DLG2: variants seen among roughly 807,000 people sequenced by gnomAD.
DLG2 encodes the protein discs large MAGUK scaffold protein 2.
A neutral mutation model predicts 132.5 loss-of-function variants in DLG2; 45 were observed. That is an observed-to-expected ratio of 0.34 (90% CI 0.27 to 0.44). DLG2 has a LOEUF of 0.44. Ranked by LOEUF, DLG2 falls within the 20% of genes least tolerant of loss-of-function variation. The probability of loss-of-function intolerance (pLI) is 1.00; values close to 1 mark genes in which losing one functional copy is unlikely to be tolerated. For missense variants in DLG2, 1,045 were observed against 1,196.9 expected (o/e 0.87, Z 1.87); for synonymous variants, 424 against 419.6 (o/e 1.01, Z -0.13).
chr11:85,265,154 A>G (rs1050068122), intron 4 of DLG2, among the ~76,000 whole-genome samples: 2 of 152,150 alleles, frequency 1.3e-5, no homozygotes, highest in African/African-American at 4.8e-5. Flanking sequence ...TTTCTTTCCT[A>G]TCATATGGAC....
At chr11:84,551,403 G>T (rs2099401586) in intron 6 of DLG2, among the ~76,000 whole-genome samples, 1 of 152,122 alleles carries the variant, frequency 6.6e-6, no homozygotes, top group African/African-American at 2.4e-5. Context: ...CCCAAATCAA[G>T]AAAACCCAGA....
At chr11:85,559,592 CAGA>C (rs1441868162) in intron 3 of DLG2, among the ~76,000 whole-genome samples, 3 of 151,132 alleles carry the variant, frequency 2.0e-5, no homozygotes, top group African/African-American at 7.3e-5. Flanking sequence ...TAATATCTAA[CAGA>C]AGACTTTTGT....
chr11:84,075,745 T>G (rs964741003), intron 10 of DLG2, among the ~76,000 whole-genome samples: 2 of 152,226 alleles, frequency 1.3e-5, no homozygotes, highest in African/African-American at 2.4e-5. Flanking sequence ...TTACTGTTTA[T>G]GTAATTTCAC....
At chr11:83,479,387 A>G (rs1208277373) in intron 22 of DLG2, among the ~76,000 whole-genome samples, 4 of 151,962 alleles carry the variant, frequency 2.6e-5, no homozygotes, top group Non-Finnish European at 2.9e-5. Context: ...GGGGGGGAAA[A>G]CCTCAAACAA....
At chr11:84,519,501 A>G (rs1188463695) in intron 7 of DLG2, among the ~76,000 whole-genome samples, 1 of 152,236 alleles carries the variant, frequency 6.6e-6, no homozygotes, top group Non-Finnish European at 1.5e-5. Flanking sequence ...CTGCCTTGTA[A>G]GAATACATCA....
chr11:83,964,575 G>T (rs1225196163), intron 13 of DLG2, among the ~76,000 whole-genome samples: 3 of 151,942 alleles, frequency 2.0e-5, no homozygotes, highest in African/African-American at 4.8e-5. Flanking sequence ...GCTTACTACT[G>T]TTGACACAAC....
chr11:84,105,743 C>A (rs1202937044), intron 9 of DLG2, among the ~76,000 whole-genome samples: 1 of 152,014 alleles, frequency 6.6e-6, no homozygotes, highest in Non-Finnish European at 1.5e-5. Context: ...CATTTTAATA[C>A]CCATGTTCTA....
intron 3 of DLG2, among the ~76,000 whole-genome samples, chr11:85,306,280 T>C (rs2079935438): frequency 6.6e-6 from 1 of 152,234 alleles, no homozygotes. Flanking sequence ...GAGTACTTTC[T>C]ATGTACCTGC....
At chr11:84,808,076 T>C (rs551864207) in intron 6 of DLG2, among the ~76,000 whole-genome samples, 1 of 152,264 alleles carries the variant, frequency 6.6e-6, no homozygotes, top group South Asian at 2.1e-4. Context: ...ACATTTACAA[T>C]GCATTGTATC....
intron 11 of DLG2, among the ~76,000 whole-genome samples, chr11:83,998,046 G>T (rs1048156216): frequency 1.3e-5 from 2 of 151,866 alleles, no homozygotes; most frequent in East Asian, 3.9e-4. Context: ...GAGGCATGAA[G>T]AATCACTTGA....
intron 12 of DLG2, among the ~76,000 whole-genome samples, chr11:83,966,835 T>A (rs1409805242): frequency 6.6e-6 from 1 of 152,042 alleles, no homozygotes; most frequent in Non-Finnish European, 1.5e-5. Context: ...ACATTAGACC[T>A]CTAGACTTGT....
chr11:83,507,660 C>A (rs2094784880), intron 21 of DLG2, among the ~76,000 whole-genome samples: 1 of 144,906 alleles, frequency 6.9e-6, no homozygotes, highest in Non-Finnish European at 1.5e-5. Flanking sequence ...GGAATCACCA[C>A]CCCTGCATCT....
At chr11:84,377,645 T>C (rs2098734526) in intron 7 of DLG2, among the ~76,000 whole-genome samples, 5 of 152,156 alleles carry the variant, frequency 3.3e-5, no homozygotes, top group Admixed American at 3.3e-4. Flanking sequence ...AAATGACGAT[T>C]ATAGAATCTG....
chr11:85,361,149 T>C (rs1007600343), intron 3 of DLG2, among the ~76,000 whole-genome samples: 3 of 152,140 alleles, frequency 2.0e-5, no homozygotes, highest in Non-Finnish European at 1.5e-5. Flanking sequence ...GATTCTGTTA[T>C]TCTTGGTCCA....
chr11:85,587,703 C>T (rs2079058333), intron 3 of DLG2, among the ~76,000 whole-genome samples: 1 of 152,174 alleles, frequency 6.6e-6, no homozygotes, highest in Admixed American at 6.5e-5. Flanking sequence ...AACATAAGTA[C>T]TGAGATGTGA....
intron 7 of DLG2, among the ~76,000 whole-genome samples, chr11:84,284,246 A>G (rs1202427240): frequency 1.3e-5 from 2 of 152,310 alleles, no homozygotes; most frequent in East Asian, 3.9e-4. Context: ...AAAAAAATCA[A>G]ACCTGGCATC....
chr11:83,833,303 C>T (rs575121286), intron 17 of DLG2, among the ~76,000 whole-genome samples: 4 of 152,066 alleles, frequency 2.6e-5, no homozygotes, highest in Admixed American at 6.5e-5. Context: ...TCGGATGTGG[C>T]GGTGGGCAGC....
chr11:85,400,547 G>C lies in DLG2; in HGVS notation c.41-115182C>G, dbSNP rs559612736. Among the ~76,000 whole-genome samples, 15 of 149,320 alleles carry C rather than the reference G, an allele frequency of 1.0e-4. No individual in the cohort carries two copies. The South Asian group carries it at 2.6e-3, about 26-fold the overall frequency. ...GGAACCAACCCAAATGTCCGACAAT[G>C]ATAGACTGGATTAAGAAAATGTGGC... is the stretch of plus-strand genomic sequence containing the variant. On this transcript the variant is annotated intron_variant, in intron 3 of 27. Coordinates refer to ENST00000376104, the MANE Select transcript of DLG2 (RefSeq NM_001142699.3).
chr11:84,181,302 T>C (rs1043766958), intron 8 of DLG2, among the ~76,000 whole-genome samples: 1 of 151,926 alleles, frequency 6.6e-6, no homozygotes, highest in East Asian at 1.9e-4. Flanking sequence ...TGGTTGTAAA[T>C]GTGTAGTGCA....
Sources: gnomAD v4.1 joint callset for allele counts (sites outside exome capture counted in the v4.1 genomes callset) on GRCh38, gnomAD v4.1.1 for gene constraint, MANE v1.5 for transcripts, NCBI Gene and HGNC (gene_info 2026-07-23, HGNC 2026-07-21) for gene names.